Variants in RAB8B observed in about 807,000 individuals in gnomAD.
RAB8B encodes ras-related protein Rab-8B.
RAB8B carries 11 observed loss-of-function variants against 32.0 expected under a neutral mutation model. The observed-to-expected ratio is 0.34, with a 90% CI of 0.22 to 0.57. RAB8B has a LOEUF of 0.57. Ranked by LOEUF, RAB8B falls within the 20% of genes least tolerant of loss-of-function variation. The pLI is 0.86. For missense variants in RAB8B, 190 were observed against 258.5 expected, an observed-to-expected ratio of 0.73 and a Z score of 1.82; for synonymous variants, 103 against 89.6, an observed-to-expected ratio of 1.15 and a Z score of -0.85.
intron 1 of RAB8B, among the ~76,000 whole-genome samples, chr15:63,205,737 A>G (rs1292120718): frequency 6.6e-6 from 1 of 152,256 alleles, no homozygotes; most frequent in Admixed American, 6.5e-5. Context: ...GTTTAATGGC[A>G]CTGAAAAACC....
At chr15:63,219,003 GA>G (rs2037817149) in intron 1 of RAB8B, among the ~76,000 whole-genome samples, 1 of 48,852 alleles carries the variant, frequency 2.0e-5, no homozygotes, top group African/African-American at 5.1e-5. Flanking sequence ...TCCAGCAGTG[GA>G]TTTTTTTTTT....
At chr15:63,216,426 A>G (rs968578716) in intron 1 of RAB8B, among the ~76,000 whole-genome samples, 3 of 151,522 alleles carry the variant, frequency 2.0e-5, no homozygotes, top group East Asian at 3.9e-4. Flanking sequence ...CTGGGGTTTC[A>G]CCATGTTGTC....
intron 1 of RAB8B, among the ~76,000 whole-genome samples, chr15:63,219,003 G>T (rs1162119081): frequency 4.1e-5 from 2 of 48,848 alleles, no homozygotes; most frequent in Admixed American, 2.7e-4. Context: ...TCCAGCAGTG[G>T]ATTTTTTTTT....
chr15:63,202,049 C>T (rs895270992), intron 1 of RAB8B, among the ~76,000 whole-genome samples: 11 of 133,890 alleles, frequency 8.2e-5, no homozygotes, highest in African/African-American at 1.1e-4. Context: ...GTCAGGAGAT[C>T]GAGACCATCC....
intron 1 of RAB8B, among the ~76,000 whole-genome samples, chr15:63,212,146 T>G (rs2141116450): frequency 6.6e-6 from 1 of 152,308 alleles, no homozygotes; most frequent in African/African-American, 2.4e-5. Context: ...AAGCCCCATC[T>G]TCCTACACAG....
chr15:63,259,811 A>T lies in RAB8B; in HGVS notation c.480+119A>T. On this transcript the variant is annotated intron_variant, in intron 6 of 7. Transcript: ENST00000321437. The surrounding 1 kb of genome is among the most constrained non-coding windows in gnomAD (Gnocchi z 4.4). ...CTAATGAATGCCTTTTGTTGACCCAACTCTACTTTGTACACTTTTGTGCTT... is the reference window on the plus strand; with the variant it reads ...CTAATGAATGCCTTTTGTTGACCCATCTCTACTTTGTACACTTTTGTGCTT... The T allele has an allele frequency of 2.3e-6, 2 of 855,080 alleles. No homozygotes were observed. The highest frequency in any genetic ancestry group is 1.6e-5 in the South Asian group (1 of 62,010). The allele number at this position is 855,080 out of a possible 1,614,324, so 53.0% of individuals were successfully genotyped here.
chr15:63,260,492 G>A (rs2152585058), intron 6 of RAB8B, among the ~76,000 whole-genome samples: 1 of 152,296 alleles, frequency 6.6e-6, no homozygotes, highest in South Asian at 2.1e-4. Context: ...TTATCAGGGA[G>A]TAGCTTTAAT....
chr15:63,221,212 G>A (rs2037841603), intron 1 of RAB8B, among the ~76,000 whole-genome samples: 1 of 152,128 alleles, frequency 6.6e-6, no homozygotes, highest in Non-Finnish European at 1.5e-5. Context: ...TTATGCTGAG[G>A]AATTGTGAAA....
chr15:63,208,576 C>T (rs776897563), intron 1 of RAB8B, among the ~76,000 whole-genome samples: 49 of 152,136 alleles, frequency 3.2e-4, no homozygotes, highest in African/African-American at 1.2e-3. Flanking sequence ...TTCTCGCCTG[C>T]ACATTTTACT....
chr15:63,252,381 A>G (rs1214404643), intron 3 of RAB8B, among the ~76,000 whole-genome samples: 1 of 152,208 alleles, frequency 6.6e-6, no homozygotes, highest in Non-Finnish European at 1.5e-5. Context: ...AAATGAGGAC[A>G]TGGAGACTGA....
intron 1 of RAB8B, among the ~76,000 whole-genome samples, chr15:63,243,882 A>C (rs2038051176): frequency 6.6e-6 from 1 of 152,218 alleles, no homozygotes; most frequent in African/African-American, 2.4e-5. Context: ...GAGGACCTTC[A>C]TGCTTCATTA....
intron 1 of RAB8B, among the ~76,000 whole-genome samples, chr15:63,212,155 A>G (rs1486280565): frequency 6.6e-6 from 1 of 152,156 alleles, no homozygotes; most frequent in Non-Finnish European, 1.5e-5. Context: ...CTTCCTACAC[A>G]GTGCGTTGTA....
At chr15:63,237,107 C>T (rs2037987497) in intron 1 of RAB8B, among the ~76,000 whole-genome samples, 1 of 152,184 alleles carries the variant, frequency 6.6e-6, no homozygotes, top group Admixed American at 6.5e-5. Context: ...AATAGTACTC[C>T]ATTGTGTATA....
At chr15:63,191,978 A>G (rs2141103532) in intron 1 of RAB8B, among the ~76,000 whole-genome samples, 1 of 152,376 alleles carries the variant, frequency 6.6e-6, no homozygotes, top group African/African-American at 2.4e-5. Flanking sequence ...CTATGAAGGC[A>G]TGAAAACCAG....
intron 3 of RAB8B, among the ~76,000 whole-genome samples, chr15:63,251,876 AG>A (rs1360950784): frequency 6.6e-6 from 1 of 152,124 alleles, no homozygotes; most frequent in African/African-American, 2.4e-5. Context: ...CACCATTTTC[AG>A]CAAGTGGTGG....
In RAB8B at chr15:63,265,784, CTTCT is replaced by C. The variant is rs911243702; in HGVS notation, c.*2171_*2174del. On this transcript the variant is annotated 3_prime_UTR_variant, in exon 8 of 8. Coordinates refer to ENST00000321437, the MANE Select transcript of RAB8B (RefSeq NM_016530.3). The surrounding 1 kb of genome is among the most constrained non-coding windows in gnomAD (Gnocchi z 4.9). ...AGAATGCTTTGCTTTGGTTATATTT[CTTCT>C]TTCTTCTTTTGTCTTATATGGATTA... 4.6e-5 allele frequency: 7 copies of C among 152,028 alleles called. No homozygotes were observed. Among genetic ancestry groups the C allele is most frequent in the Admixed American group, 2.0e-4 (3 of 15,214 alleles). 9.4% of individuals were successfully genotyped at this position (152,028 alleles called of 1,614,324 possible).
At chr15:63,194,628 G>A (rs1276665761) in intron 1 of RAB8B, among the ~76,000 whole-genome samples, 1 of 152,078 alleles carries the variant, frequency 6.6e-6, no homozygotes, top group Non-Finnish European at 1.5e-5. Flanking sequence ...ATATTAATGG[G>A]GGTATGTTAG....
chr15:63,191,848 A>G (rs932384600), intron 1 of RAB8B, among the ~76,000 whole-genome samples: 5 of 152,146 alleles, frequency 3.3e-5, no homozygotes, highest in African/African-American at 1.2e-4. Context: ...TGTTTCCTGT[A>G]AGGGTATCTG....
intron 1 of RAB8B, among the ~76,000 whole-genome samples, chr15:63,225,069 G>T (rs1214652120): frequency 1.3e-5 from 2 of 152,148 alleles, no homozygotes; most frequent in African/African-American, 4.8e-5. Flanking sequence ...CACATAGTAG[G>T]TACACAATAA....
Sources: gnomAD v4.1 joint callset for allele counts (sites outside exome capture counted in the v4.1 genomes callset) on GRCh38, gnomAD v4.1.1 for gene constraint, Gnocchi (gnomAD v3.1) non-coding constraint, MANE v1.5 for transcripts, NCBI Gene and HGNC (gene_info 2026-07-23, HGNC 2026-07-21) for gene names.